The following KCTD9 variants were observed in gnomAD, a reference collection of about 807,000 sequenced individuals.
The protein encoded by KCTD9 is BTB/POZ domain-containing protein KCTD9.
KCTD9 carries 17 observed loss-of-function variants against 53.3 expected under a neutral mutation model. That is an observed-to-expected ratio of 0.32 (90% CI 0.22 to 0.48). The LOEUF is 0.48. Among genes scored for constraint, KCTD9 ranks in the 20% least tolerant of loss-of-function variants. The probability of loss-of-function intolerance (pLI) is 0.99; values close to 1 mark genes in which losing one functional copy is unlikely to be tolerated. For synonymous variants in KCTD9, 128 were observed against 162.7 expected (o/e 0.79, Z 1.62); for missense variants, 179 against 465.5 (o/e 0.38, Z 5.66).
chr8:25,450,208 T>G (rs1238997207), intron 1 of KCTD9, among the ~76,000 whole-genome samples: 1 of 152,236 alleles, frequency 6.6e-6, no homozygotes, highest in East Asian at 1.9e-4. Flanking sequence ...AATCTGGCTG[T>G]CTGCCTGGAT....
chr8:25,431,478 G>C (rs560786687), intron 11 of KCTD9, among the ~76,000 whole-genome samples: 1 of 152,236 alleles, frequency 6.6e-6, no homozygotes, highest in Non-Finnish European at 1.5e-5. Flanking sequence ...TGGTTAGAGA[G>C]AAGGGTGACT....
At chr8:25,453,375 G>A (rs1210512190) in intron 1 of KCTD9, among the ~76,000 whole-genome samples, 1 of 151,838 alleles carries the variant, frequency 6.6e-6, no homozygotes, top group Non-Finnish European at 1.5e-5. Flanking sequence ...AAAGGTGAGG[G>A]CCGGGCACGG....
rs769725096 is a variant in KCTD9, at chr8:25,458,211, G to A, written c.36C>T (p.Pro12=). 7.6e-7 allele frequency: 1 copy of A among 1,309,700 alleles called. No homozygotes were observed. Among genetic ancestry groups the A allele is most frequent in the African/African-American group, 1.7e-5 (1 of 59,924 alleles). 81.1% of individuals were successfully genotyped at this position (1,309,700 alleles called of 1,614,324 possible). A position where few individuals can be genotyped will look rare whatever the true frequency, so the allele number is the denominator to read the frequency against. Residue 12 remains proline, a synonymous_variant, in exon 1 of 12, where the codon CCC becomes CCT. Coordinates refer to ENST00000221200, the MANE Select transcript of KCTD9 (RefSeq NM_017634.4). ...RRVTLFLNGS[P]KNGKVVAVYG... ...ACGCCCCCGTTACCTTTCCGTTCTTGGGGCTGCCGTTCAGGAACAGGGTCA... is the reference window on the plus strand; with the variant it reads ...ACGCCCCCGTTACCTTTCCGTTCTTAGGGCTGCCGTTCAGGAACAGGGTCA...
rs1801865921 is a variant in KCTD9, at chr8:25,428,039, T to C, written c.*1818A>G. On this transcript the variant is annotated 3_prime_UTR_variant, in exon 12 of 12. Coordinates refer to ENST00000221200, the MANE Select transcript of KCTD9 (RefSeq NM_017634.4). The stretch of plus-strand genomic sequence containing the variant: ...AGAAACTCCTTTTCAACAAACACTT[T>C]ATATCATTTATTAATGCAGTATACA... 1 of 152,558 alleles carries C rather than the reference T, an allele frequency of 6.6e-6. No individual in the cohort carries two copies. 9.5% of individuals were successfully genotyped at this position (152,558 alleles called of 1,614,324 possible).
At chr8:25,443,429 G>A (rs974090098) in intron 3 of KCTD9, among the ~76,000 whole-genome samples, 2 of 152,022 alleles carry the variant, frequency 1.3e-5, no homozygotes, top group South Asian at 2.1e-4. Flanking sequence ...TGCAGAGGAT[G>A]AAAATATACC....
Position 25,458,179 on chromosome 8 carries a change from C to G in KCTD9, c.48+20G>C. 1 of 1,586,712 alleles carries G rather than the reference C, an allele frequency of 6.3e-7. No individual in the cohort carries two copies. The highest frequency in any genetic ancestry group is 1.1e-5 in the South Asian group (1 of 88,892). On this transcript the variant is annotated intron_variant, in intron 1 of 11. Transcript: ENST00000221200. Reference sequence around the variant, plus strand: ...TCGCCCCGACCCCCGGCCCGCCGCGCCCCCTCACGCCCCCGTTACCTTTCC... The same window carrying G: ...TCGCCCCGACCCCCGGCCCGCCGCGGCCCCTCACGCCCCCGTTACCTTTCC...
intron 1 of KCTD9, chr8:25,457,601 T>TGGC (rs1802477916): frequency 6.5e-6 from 1 of 153,578 alleles, no homozygotes; most frequent in Non-Finnish European, 1.4e-5. Context: ...CAGAGAAGTT[T>TGGC]GGCGGCGGCG....
chr8:25,440,714 G>C, intron 3 of KCTD9, 41 bp from the exon 4 acceptor site: 1 of 1,345,140 alleles, frequency 7.4e-7, no homozygotes, highest in Non-Finnish European at 1.1e-6. Context: ...TATTAAGATT[G>C]GGGATTCTGG....
intron 1 of KCTD9, among the ~76,000 whole-genome samples, chr8:25,457,028 G>T (rs1333247529): frequency 6.6e-6 from 1 of 152,140 alleles, no homozygotes; most frequent in Non-Finnish European, 1.5e-5. Flanking sequence ...TATTTTCGGG[G>T]TAGCATTCAT....
chr8:25,430,062 G>A (rs946462168), intron 11 of KCTD9, 89 bp from the exon 12 acceptor site: 18 of 778,024 alleles, frequency 2.3e-5, no homozygotes, highest in Admixed American at 3.8e-5. Flanking sequence ...GGGCAGATTA[G>A]GAAAATGTTC....
At chr8:25,443,976 C>T (rs2117417465) in intron 3 of KCTD9, among the ~76,000 whole-genome samples, 1 of 152,212 alleles carries the variant, frequency 6.6e-6, no homozygotes, top group East Asian at 1.9e-4. Flanking sequence ...TTTTGACATT[C>T]ACCATCAAAG....
At chr8:25,447,222 C>T (rs1042292418) in intron 1 of KCTD9, among the ~76,000 whole-genome samples, 5 of 152,008 alleles carry the variant, frequency 3.3e-5, no homozygotes, top group Non-Finnish European at 5.9e-5. Context: ...GGAGAAACCC[C>T]ATCCCTACTA....
At chr8:25,456,234 G>A (rs1276087321) in intron 1 of KCTD9, among the ~76,000 whole-genome samples, 1 of 152,202 alleles carries the variant, frequency 6.6e-6, no homozygotes, top group Non-Finnish European at 1.5e-5. Flanking sequence ...CAGAAGCGAG[G>A]TAAGGGAGAT....
Position 25,429,991 on chromosome 8 carries a change from T to G in KCTD9, c.1054-18A>C. ...TCACAATTCTGCAAGATGAAAACAA[T>G]ATTCATGTAATTCATGTGGAAATTT... is the stretch of plus-strand genomic sequence containing the variant. On this transcript the variant is annotated intron_variant, in intron 11 of 11. Coordinates refer to ENST00000221200, the MANE Select transcript of KCTD9 (RefSeq NM_017634.4). The G allele has an allele frequency of 7.6e-7, 1 of 1,313,398 alleles. No homozygotes were observed. The allele number at this position is 1,313,398 out of a possible 1,614,324, so 81.4% of individuals were successfully genotyped here. A position where few individuals can be genotyped will look rare whatever the true frequency, so the allele number is the denominator to read the frequency against.
chr8:25,447,211 T>C (rs1009858593), intron 1 of KCTD9, among the ~76,000 whole-genome samples: 2 of 152,150 alleles, frequency 1.3e-5, no homozygotes, highest in East Asian at 3.9e-4. Context: ...CAGACCAACA[T>C]GGAGAAACCC....
chr8:25,438,041 A>C (rs1229515942), intron 6 of KCTD9, among the ~76,000 whole-genome samples: 1 of 152,106 alleles, frequency 6.6e-6, no homozygotes, highest in African/African-American at 2.4e-5. Context: ...TATAAAATGA[A>C]TCCAGCAGAG....
chr8:25,428,624 A>G lies in KCTD9; in HGVS notation c.*1233T>C, dbSNP rs1431561911. 2.6e-5 allele frequency: 4 copies of G among 152,264 alleles called. No homozygotes were observed. The highest frequency in any genetic ancestry group is 5.9e-5 in the Non-Finnish European group (4 of 67,982). The allele number at this position is 152,264 out of a possible 1,614,324, so 9.4% of individuals were successfully genotyped here. A position where few individuals can be genotyped will look rare whatever the true frequency, so the allele number is the denominator to read the frequency against. Reference sequence around the variant, plus strand: ...CTTCCTCTGCTGCTGCAGAGAGAGAATGACTCAAGAAAATTGGGCTAAAAT... The same window carrying G: ...CTTCCTCTGCTGCTGCAGAGAGAGAGTGACTCAAGAAAATTGGGCTAAAAT... On this transcript the variant is annotated 3_prime_UTR_variant, in exon 12 of 12. Transcript: ENST00000221200.
intron 10 of KCTD9, 106 bp from the exon 11 acceptor site, chr8:25,432,743 TTAATC>T (rs1801952179): frequency 2.0e-6 from 2 of 995,138 alleles, no homozygotes; most frequent in African/African-American, 3.3e-5. Flanking sequence ...CTTTTGGAAA[TTAATC>T]TAAAATCTTG....
intron 3 of KCTD9, among the ~76,000 whole-genome samples, chr8:25,441,172 G>C (rs1341245080): frequency 6.8e-6 from 1 of 147,614 alleles, no homozygotes; most frequent in Non-Finnish European, 1.5e-5. Context: ...AAAGACAACA[G>C]AGACAAAAAA....
Sources: gnomAD v4.1 joint callset for allele counts (sites outside exome capture counted in the v4.1 genomes callset) on GRCh38, gnomAD v4.1.1 for gene constraint, MANE v1.5 for transcripts, NCBI Gene and HGNC (gene_info 2026-07-23, HGNC 2026-07-21) for gene names.